ZNF578: variants seen among roughly 807,000 people sequenced by gnomAD.
ZNF578 encodes the protein Putative chemokine-related protein B42.
ZNF578 carries 8 observed loss-of-function variants against 8.3 expected under a neutral mutation model. The observed-to-expected ratio is 0.96, with a 90% CI of 0.56 to 1.74. The LOEUF is 1.74. Among genes scored for constraint, ZNF578 ranks in the 40% most tolerant of loss-of-function variants. The pLI is 0.00. For missense variants in ZNF578, 726 were observed against 707.5 expected, an observed-to-expected ratio of 1.03 and a Z score of -0.30; for synonymous variants, 206 against 232.2, an observed-to-expected ratio of 0.89 and a Z score of 1.03.
At chr19:52,507,719 G>C (rs2059430350) in intron 5 of ZNF578, among the ~76,000 whole-genome samples, 1 of 152,146 alleles carries the variant, frequency 6.6e-6, no homozygotes, top group African/African-American at 2.4e-5. Flanking sequence ...GGGGAAAGAG[G>C]AGCAGGCAAT....
chr19:52,488,682 G>A (rs543723187), intron 2 of ZNF578, among the ~76,000 whole-genome samples: 1 of 152,104 alleles, frequency 6.6e-6, no homozygotes, highest in African/African-American at 2.4e-5. Context: ...TACTCGGGAG[G>A]CTGAGGCAGG....
At chr19:52,467,192 G>T (rs1294711801) in intron 2 of ZNF578, among the ~76,000 whole-genome samples, 1 of 151,958 alleles carries the variant, frequency 6.6e-6, no homozygotes, top group Non-Finnish European at 1.5e-5. Context: ...TGTATTTTTA[G>T]TTGAGACGGG....
At position 52,459,914 on chromosome 19, in the gene ZNF578, C is replaced by T. The variant is rs922367527; in HGVS notation, c.-122+2956C>T. ...CTCAGCCTTCCAAGTACTACAGGTG[C>T]GTGCCACCATGCCCAGCTAATTTTG... On this transcript the variant is annotated intron_variant, in intron 2 of 5. Transcript: ENST00000421239. 2.0e-5 allele frequency among the ~76,000 whole-genome samples: 3 copies of T among 147,250 alleles called. No homozygotes were observed. In the Admixed American group the frequency reaches 2.1e-4, roughly 10 times the overall value.
rs777923491 is a variant in ZNF578, at chr19:52,511,518, G to A, written c.1137G>A (p.Met379Ile). Residue 379 changes from methionine (M) to isoleucine (I), a missense_variant, in exon 6 of 6, where the codon ATG becomes ATA. By Grantham distance (10) the Met-to-Ile change is conservative. Coordinates refer to ENST00000421239, the MANE Select transcript of ZNF578 (RefSeq NM_001099694.2). ...ACAAGTGTAATGAGTGTGGCAAGAT[G>A]TTTGGTCAAAATTCAACCCTTGTAA... ...KPYKCNECGK[M>I]FGQNSTLVIH... is the part of the protein sequence containing the mutation. The A allele has an allele frequency of 1.2e-6, 2 of 1,613,510 alleles. No individual in the cohort carries two copies. Among genetic ancestry groups the A allele is most frequent in the South Asian group, 2.2e-5 (2 of 91,066 alleles).
At chr19:52,477,160 A>G (rs111250398) in intron 2 of ZNF578, among the ~76,000 whole-genome samples, 1,612 of 152,270 alleles carry the variant, frequency 0.011, 30 homozygotes, top group African/African-American at 0.037. Context: ...AGTCCCATGT[A>G]TCCTGCTGGT....
At chr19:52,510,509 A>G in intron 5 of ZNF578, 63 bp from the exon 6 acceptor site, 2 of 1,441,502 alleles carry the variant, frequency 1.4e-6, no homozygotes, top group Middle Eastern at 1.9e-4. Flanking sequence ...TCATATTTAC[A>G]CACTTCAGTA....
chr19:52,512,062 C>T lies in ZNF578; in HGVS notation c.1681C>T (p.His561Tyr). The T allele has an allele frequency of 1.2e-6, 2 of 1,613,898 alleles. No individual in the cohort carries two copies. Among genetic ancestry groups the T allele is most frequent in the Non-Finnish European group, 1.7e-6 (2 of 1,179,998 alleles). The change falls in exon 6 of 6, where the codon CAT (histidine) becomes TAT (tyrosine). Residue 561 changes from histidine (H) to tyrosine (Y), a missense_variant. Physicochemically the swap from His to Tyr is moderately conservative, Grantham distance 83. Transcript: ENST00000421239. Reference sequence around the variant, plus strand: ...TTATCTGGCAAACCATACTAGAATTCATAGCGGAGAGAAACCTTACAAGTG... The same window carrying T: ...TTATCTGGCAAACCATACTAGAATTTATAGCGGAGAGAAACCTTACAAGTG... ...HSYLANHTRIHSGEKPYKCNE... is the reference protein window; with the variant it reads ...HSYLANHTRIYSGEKPYKCNE...
chr19:52,470,511 G>T (rs563633326), intron 2 of ZNF578, among the ~76,000 whole-genome samples: 119 of 152,294 alleles, frequency 7.8e-4, no homozygotes, highest in Non-Finnish European at 1.4e-3. Flanking sequence ...GGTTCATAAA[G>T]TATTGTTTCT....
rs76920532 is a variant in ZNF578 at position 52,503,494 on chromosome 19, C to T, written c.64-1161C>T. On this transcript the variant is annotated intron_variant, in intron 4 of 5. Transcript: ENST00000421239. ...TGGAGTATCTGGGATTACAGGCATT[C>T]GCTGTCACGCCTGGCTAAGTTTTTT... 7.6e-3 allele frequency among the ~76,000 whole-genome samples: 1,160 copies of T among 152,188 alleles called. 14 individuals carry two copies. The highest frequency in any genetic ancestry group is 0.026 in the African/African-American group (1,086 of 41,514).
At chr19:52,501,275 G>C (rs1268051927) in intron 3 of ZNF578, among the ~76,000 whole-genome samples, 1 of 152,214 alleles carries the variant, frequency 6.6e-6, no homozygotes, top group Non-Finnish European at 1.5e-5. Flanking sequence ...GGGCTGTGCT[G>C]GGCTCGCCCC....
At chr19:52,459,769 A>ATATATTT (rs1555751349) in intron 2 of ZNF578, among the ~76,000 whole-genome samples, 716 of 17,608 alleles carry the variant, frequency 0.041, 146 homozygotes, top group Non-Finnish European at 0.058. Context: ...ATATATATAT[A>ATATATTT]TTTTTTTTTT....
chr19:52,501,691 C>T (rs2059408082), intron 3 of ZNF578, 136 bp from the exon 4 acceptor site: 1 of 849,218 alleles, frequency 1.2e-6, no homozygotes, highest in Non-Finnish European at 1.8e-6. Flanking sequence ...TTTCTTATGT[C>T]TGCATGATCT....
intron 2 of ZNF578, among the ~76,000 whole-genome samples, chr19:52,464,537 G>C (rs947781236): frequency 5.9e-5 from 9 of 152,172 alleles, no homozygotes; most frequent in East Asian, 5.8e-4. Flanking sequence ...TCCTGTACTT[G>C]CATCCCCAAA....
intron 2 of ZNF578, among the ~76,000 whole-genome samples, chr19:52,480,904 A>G (rs1430412867): frequency 4.1e-5 from 2 of 48,496 alleles, no homozygotes; most frequent in Non-Finnish European, 6.3e-5. Flanking sequence ...TCAAAAGATA[A>G]TAATAATAAT....
chr19:52,499,959 C>G (rs111243638), intron 3 of ZNF578, among the ~76,000 whole-genome samples: 1 of 151,910 alleles, frequency 6.6e-6, no homozygotes, highest in African/African-American at 2.4e-5. Flanking sequence ...TGTTCCAGCC[C>G]CACGGGCCGC....
chr19:52,463,606 G>C (rs1252468470), intron 2 of ZNF578, among the ~76,000 whole-genome samples: 1 of 152,154 alleles, frequency 6.6e-6, no homozygotes, highest in Non-Finnish European at 1.5e-5. Flanking sequence ...TGCTTGTACA[G>C]AGTTGAACAA....
intron 1 of ZNF578, chr19:52,456,564 C>G (rs2122752717): frequency 6.6e-6 from 1 of 152,352 alleles, no homozygotes; most frequent in East Asian, 1.9e-4. Flanking sequence ...GATCTGTGCC[C>G]TGAAGGGGAG....
chr19:52,464,159 A>G lies in ZNF578; in HGVS notation c.-122+7201A>G, dbSNP rs569826204. Among the ~76,000 whole-genome samples, 3 of 152,336 alleles carry G rather than the reference A, an allele frequency of 2.0e-5. No homozygotes were observed. The South Asian group carries it at 6.2e-4, about 32-fold the overall frequency. ...GTTTTTATGGTATTATGTGGCAAAAAGGACCATTCAACTAAATCATCATTT... is the reference window on the plus strand; with the variant it reads ...GTTTTTATGGTATTATGTGGCAAAAGGGACCATTCAACTAAATCATCATTT... On this transcript the variant is annotated intron_variant, in intron 2 of 5. Coordinates refer to ENST00000421239, the MANE Select transcript of ZNF578 (RefSeq NM_001099694.2).
chr19:52,486,193 C>T (rs2059344982), intron 2 of ZNF578, among the ~76,000 whole-genome samples: 1 of 152,200 alleles, frequency 6.6e-6, no homozygotes, highest in South Asian at 2.1e-4. Flanking sequence ...ACATCAAAGG[C>T]ACAGCACTTT....
Sources: allele counts gnomAD v4.1 joint callset (sites outside exome capture counted in the v4.1 genomes callset), GRCh38; gene constraint gnomAD v4.1.1; transcripts MANE v1.5; gene names NCBI Gene and HGNC (gene_info 2026-07-23, HGNC 2026-07-21).